Variants in ANK3 observed in about 807,000 individuals in gnomAD.
ANK3 encodes the protein ankyrin-3.
Under a neutral mutation model 370.9 loss-of-function variants are expected in ANK3, and 57 were observed. The ratio of observed to expected loss-of-function variants is 0.15; its 90% CI spans 0.12 to 0.19. The LOEUF (loss-of-function observed/expected upper bound fraction) is 0.19, where lower values mean the gene tolerates loss of function less well. ANK3 is among the 10% of genes least tolerant of loss of function. ANK3 has a pLI of 1.00. For missense variants in ANK3, 4,439 were observed against 5,302.1 expected, an observed-to-expected ratio of 0.84 and a Z score of 5.06; for synonymous variants, 1,929 against 1,946.3, an observed-to-expected ratio of 0.99 and a Z score of 0.23.
intron 1 of ANK3, among the ~76,000 whole-genome samples, chr10:60,323,405 T>C (rs1332959711): frequency 6.6e-6 from 1 of 152,142 alleles, no homozygotes; most frequent in Non-Finnish European, 1.5e-5. Context: ...CTGGCTAAGT[T>C]ATAAATATTT....
At chr10:60,411,173 T>G (rs1395935987) in intron 2 of ANK3, among the ~76,000 whole-genome samples, 4 of 152,178 alleles carry the variant, frequency 2.6e-5, no homozygotes, top group African/African-American at 9.7e-5. Flanking sequence ...AAACTTTTAT[T>G]ATGTTAGATT....
chr10:60,122,875 A>G (rs1230609837), intron 25 of ANK3, among the ~76,000 whole-genome samples: 3 of 152,230 alleles, frequency 2.0e-5, no homozygotes, highest in African/African-American at 7.2e-5. Flanking sequence ...TTATCAAACC[A>G]ATGGAGGCCA....
chr10:60,053,380 CA>C (rs1286308343), intron 42 of ANK3, among the ~76,000 whole-genome samples: 1 of 152,124 alleles, frequency 6.6e-6, no homozygotes, highest in East Asian at 1.9e-4. Flanking sequence ...TTAAAGCAAA[CA>C]CAAACAACAA....
chr10:60,693,227 T>C (rs1408842155), intron 1 of ANK3, among the ~76,000 whole-genome samples: 1 of 152,240 alleles, frequency 6.6e-6, no homozygotes. Context: ...CAGGAGATTA[T>C]ATCCCGCACC....
At position 60,694,427 on chromosome 10, in the gene ANK3, C is replaced by A. The variant is rs561192316; in HGVS notation, c.57+38836G>T. ...CAAAGATACTCCTCGAGAAGAGCAA[C>A]TCCAAGACAAATAATTGTCAGATTC... On this transcript the variant is annotated intron_variant, in intron 1 of 43. Coordinates refer to the ANK3 transcript ENST00000373827. Among the ~76,000 whole-genome samples the A allele has an allele frequency of 2.6e-5, 4 of 152,220 alleles. No individual in the cohort carries two copies. In the South Asian group the frequency reaches 6.2e-4, roughly 24 times the overall value.
chr10:60,140,696 C>T, intron 23 of ANK3: 1 of 1,243,400 alleles, frequency 8.0e-7, no homozygotes, highest in Non-Finnish European at 1.0e-6. Context: ...GGATTAAAAA[C>T]TCCTCTGGCA....
intron 35 of ANK3, chr10:60,081,471 TTATCA>T (rs1324120692): frequency 2.3e-6 from 1 of 430,352 alleles, no homozygotes; most frequent in African/African-American, 2.1e-5. Context: ...AAAAACCTAA[TTATCA>T]TATAACTTAG....
chr10:60,511,984 T>C (rs993700864), intron 2 of ANK3, among the ~76,000 whole-genome samples: 5 of 152,054 alleles, frequency 3.3e-5, no homozygotes, highest in African/African-American at 9.7e-5. Flanking sequence ...TTGGAAACTT[T>C]AGCAGCTCTC....
chr10:60,036,433 T>TTTTTTG (rs2075002833), intron 43 of ANK3, among the ~76,000 whole-genome samples: 1 of 77,234 alleles, frequency 1.3e-5, no homozygotes, highest in Non-Finnish European at 3.2e-5. Flanking sequence ...TTTTTTTTTT[T>TTTTTTG]TTTTTTTTTT....
chr10:60,052,459 GA>G (rs1223641001), intron 42 of ANK3, among the ~76,000 whole-genome samples: 1 of 152,108 alleles, frequency 6.6e-6, no homozygotes, highest in African/African-American at 2.4e-5. Flanking sequence ...TTTAATGAAG[GA>G]ATAAATGTAT....
chr10:60,714,210 T>A (rs558586568), intron 1 of ANK3, among the ~76,000 whole-genome samples: 78 of 152,300 alleles, frequency 5.1e-4, no homozygotes, highest in Middle Eastern at 3.4e-3. Flanking sequence ...AAACAGGTAA[T>A]CTGAATAATC....
chr10:60,164,492 GAA>G (rs72346571), intron 23 of ANK3, among the ~76,000 whole-genome samples: 47 of 125,474 alleles, frequency 3.7e-4, no homozygotes, highest in African/African-American at 1.1e-3. Context: ...TGATATACCT[GAA>G]AAAAAAAAAA....
intron 1 of ANK3, among the ~76,000 whole-genome samples, chr10:60,309,429 T>C (rs1055662334): frequency 6.6e-6 from 1 of 152,260 alleles, no homozygotes. Flanking sequence ...CTAGATGAAC[T>C]TGACTATGTT....
Position 60,271,771 on chromosome 10 carries a change from G to A in ANK3, c.415-1542C>T, listed in dbSNP as rs117692643. Among the ~76,000 whole-genome samples the A allele has an allele frequency of 1.5e-3, 235 of 151,946 alleles. 8 individuals carry two copies. The East Asian group carries it at 0.042, about 27-fold the overall frequency. Reference sequence around the variant, plus strand: ...TTGGCTTATAACTGAGAATTAGAAAGTAAGTTAAAAAGATCCTCAAGCAGA... The same window carrying A: ...TTGGCTTATAACTGAGAATTAGAAAATAAGTTAAAAAGATCCTCAAGCAGA... On this transcript the variant is annotated intron_variant, in intron 4 of 43. Coordinates refer to ENST00000280772, the MANE Select transcript of ANK3 (RefSeq NM_020987.5).
At chr10:60,398,806 C>T (rs1229312360) in intron 2 of ANK3, among the ~76,000 whole-genome samples, 1 of 152,210 alleles carries the variant, frequency 6.6e-6, no homozygotes, top group Admixed American at 6.5e-5. Context: ...ACTCAATGGT[C>T]ATCTTCCCTG....
chr10:60,608,735 CAAAT>C (rs1271525028), intron 2 of ANK3, among the ~76,000 whole-genome samples: 3 of 152,156 alleles, frequency 2.0e-5, no homozygotes, highest in South Asian at 2.1e-4. Flanking sequence ...GCTAGATAGA[CAAAT>C]AAAGATGTAT....
chr10:60,213,680 T>C (rs971070272), intron 8 of ANK3, among the ~76,000 whole-genome samples, 170 bp from the exon 9 acceptor site: 2 of 152,206 alleles, frequency 1.3e-5, no homozygotes, highest in Non-Finnish European at 2.9e-5. Flanking sequence ...AAAACTACAT[T>C]TTTTCATAAG....
At chr10:60,586,191 A>G (rs928267426) in intron 2 of ANK3, among the ~76,000 whole-genome samples, 2 of 152,192 alleles carry the variant, frequency 1.3e-5, no homozygotes, top group African/African-American at 4.8e-5. Context: ...GTCTTCAATA[A>G]TCACTTTAAA....
Position 60,069,811 on chromosome 10 carries a change from T to C in ANK3, c.11070A>G (p.Gly3690=), listed in dbSNP as rs1354970673. ...VEPNPSIPTS[G]ECQEGTSSSG... ...TACTGGATGTGCCTTCCTGACACTC[T>C]CCGCTGGTCGGGATGCTGGGGTTAG... is the stretch of plus-strand genomic sequence containing the variant. The change falls in exon 37 of 44, where the codon GGA becomes GGG. Residue 3690 remains glycine (G), a synonymous_variant. Transcript: ENST00000280772. The C allele has an allele frequency of 6.2e-7, 1 of 1,614,172 alleles. No homozygotes were observed. The highest frequency in any genetic ancestry group is 1.1e-5 in the South Asian group (1 of 91,088).
Sources: gnomAD v4.1 joint callset for allele counts (sites outside exome capture counted in the v4.1 genomes callset) on GRCh38, gnomAD v4.1.1 for gene constraint, MANE v1.5 for transcripts, NCBI Gene and HGNC (gene_info 2026-07-23, HGNC 2026-07-21) for gene names.